The following CIC variants were observed in gnomAD, a reference collection of about 807,000 sequenced individuals.
The protein encoded by CIC is protein capicua homolog.
In CIC, 18 loss-of-function variants were observed where a neutral mutation model predicts 115.7. The observed-to-expected ratio is 0.16, with a 90% CI of 0.11 to 0.23. The LOEUF (loss-of-function observed/expected upper bound fraction) is 0.23. CIC is among the 10% of genes least tolerant of loss of function. The pLI is 1.00. For synonymous variants in CIC, 1,076 were observed against 923.0 expected, an observed-to-expected ratio of 1.17 and a Z score of -3.01; for missense variants, 2,000 against 2,159.3, an observed-to-expected ratio of 0.93 and a Z score of 1.46.
Position 42,286,760 on chromosome 19 carries a change from C to T in CIC, c.2795-11C>T, listed in dbSNP as rs551321391. The stretch of plus-strand genomic sequence containing the variant: ...CTCCTGCTGCACAGCTCACCTGGCT[C>T]CTTTCCACAGTGTGGACGAATGTGG... On this transcript the variant is annotated splice_polypyrimidine_tract_variant and intron_variant, in intron 2 of 20. Transcript: ENST00000681038. 3.8e-5 allele frequency: 62 copies of T among 1,613,884 alleles called. No individual in the cohort carries two copies. The Middle Eastern group carries it at 6.6e-4, about 17-fold the overall frequency.
chr19:42,282,503 G>A (rs975748293), intron 2 of CIC, among the ~76,000 whole-genome samples: 14 of 152,204 alleles, frequency 9.2e-5, no homozygotes, highest in Non-Finnish European at 1.9e-4. Flanking sequence ...TGCCAGATGG[G>A]CTCCACATCC....
Position 42,292,350 on chromosome 19 carries a change from G to A in CIC, c.5786G>A (p.Ser1929Asn), listed in dbSNP as rs1332619285. The change falls in exon 14 of 21, where the codon AGC becomes AAC. Residue 1929 changes from serine to asparagine, a missense_variant. Ser to Asn is a conservative substitution (Grantham distance 46). Coordinates refer to ENST00000681038, the MANE Select transcript of CIC (RefSeq NM_001386298.1). ...GGGCACGCGCTGCCCCTGGGTACCA[G>A]CCCTGCGTCCAGCCAGGCTGGAACA... is the stretch of plus-strand genomic sequence containing the variant. ...AGGHALPLGT[S>N]PASSQAGTVT... The A allele has an allele frequency of 1.2e-6, 2 of 1,613,048 alleles. No individual in the cohort carries two copies. The highest frequency in any genetic ancestry group is 1.7e-6 in the Non-Finnish European group (2 of 1,179,916).
In CIC at chr19:42,289,292, C is replaced by T. The variant is rs770404685; in HGVS notation, c.3973C>T (p.Pro1325Ser). 3 of 1,613,744 alleles carry T rather than the reference C, an allele frequency of 1.9e-6. No individual in the cohort carries two copies. Among genetic ancestry groups the T allele is most frequent in the South Asian group, 1.1e-5 (1 of 91,090 alleles). ...EGGALAATGR[P>S]PLLPTRASRS... is the part of the protein sequence containing the mutation. Reference sequence around the variant, plus strand: ...AGGTGCCTTGGCGGCCACTGGGCGGCCCCCGCTGCTGCCCACCCGAGCTTC... The same window carrying T: ...AGGTGCCTTGGCGGCCACTGGGCGGTCCCCGCTGCTGCCCACCCGAGCTTC... The change falls in exon 9 of 21, where the codon CCC (proline) becomes TCC (serine). Residue 1325 changes from proline to serine, a missense_variant. Pro to Ser is a moderately conservative substitution (Grantham distance 74). Coordinates refer to ENST00000681038, the MANE Select transcript of CIC (RefSeq NM_001386298.1).
Position 42,286,871 on chromosome 19 carries a change from C to A in CIC, c.2895C>A (p.Ser965Arg). 1.2e-6 allele frequency: 2 copies of A among 1,612,886 alleles called. No individual in the cohort carries two copies. The highest frequency in any genetic ancestry group is 1.7e-6 in the Non-Finnish European group (2 of 1,179,754). ...PSQPDPSVQPSEAQQPASHPV... is the reference protein window; with the variant it reads ...PSQPDPSVQPREAQQPASHPV... ...AGCCTGACCCCTCCGTGCAGCCGAGCGAGGCCCAGCAACCTGCCAGCCACC... is the reference window on the plus strand; with the variant it reads ...AGCCTGACCCCTCCGTGCAGCCGAGAGAGGCCCAGCAACCTGCCAGCCACC... Residue 965 changes from serine to arginine, a missense_variant, in exon 3 of 21, where the codon AGC becomes AGA. Physicochemically the swap from Ser to Arg is moderately radical, Grantham distance 110. Coordinates refer to ENST00000681038, the MANE Select transcript of CIC (RefSeq NM_001386298.1).
rs962673257 is a variant in CIC, at chr19:42,294,159, T to C, written c.6923-14T>C. On this transcript the variant is annotated splice_polypyrimidine_tract_variant and intron_variant, in intron 18 of 20. Coordinates refer to ENST00000681038, the MANE Select transcript of CIC (RefSeq NM_001386298.1). ...CTGGGGCCACCTGCACTGAGTCTGC[T>C]TCTGTTTGGCCAGACCTGGATTCAG... 5.6e-6 allele frequency: 9 copies of C among 1,613,780 alleles called. No homozygotes were observed. In the East Asian group the frequency reaches 1.1e-4, roughly 20 times the overall value.
chr19:42,290,447 A>G lies in CIC; in HGVS notation c.4406A>G (p.Gln1469Arg), dbSNP rs893757075. 6.8e-6 allele frequency: 11 copies of G among 1,613,914 alleles called. No individual in the cohort carries two copies. Among genetic ancestry groups the G allele is most frequent in the Non-Finnish European group, 8.5e-6 (10 of 1,179,966 alleles). The change falls in exon 11 of 21, where the codon CAG becomes CGG. Residue 1469 changes from glutamine (Q) to arginine (R), a missense_variant. By Grantham distance (43) the Gln-to-Arg change is conservative. Transcript: ENST00000681038. ...FSLGSGTFKA[Q>R]ESGQGSTAGP... ...CTGGGCTCAGGAACCTTCAAGGCCC[A>G]GGAGTCTGGTCAGGGCAGCACAGCG...
Position 42,274,329 on chromosome 19 carries a change from C to T in CIC, c.2546C>T (p.Pro849Leu), listed in dbSNP as rs2036889780. The change falls in exon 2 of 21, where the codon CCC becomes CTC. Residue 849 changes from proline (P) to leucine (L), a missense_variant. This residue lies in a region of CIC where 222 missense variants were observed against 247.7 expected (regional missense o/e 0.90). Coordinates refer to ENST00000681038, the MANE Select transcript of CIC (RefSeq NM_001386298.1). ...PGRGCRETPV[P>L]PGVASGKPGL... ...CGGGGCTGCCGTGAAACCCCAGTGC[C>T]CCCTGGGGTGGCCAGTGGGAAGCCT... 1 of 398,622 alleles carries T rather than the reference C, an allele frequency of 2.5e-6. No individual in the cohort carries two copies. Among genetic ancestry groups the T allele is most frequent in the Non-Finnish European group, 4.4e-6 (1 of 226,102 alleles). The allele number at this position is 398,622 out of a possible 1,614,324, so 24.7% of individuals were successfully genotyped here.
chr19:42,289,153 T>C, intron 8 of CIC, 28 bp from the exon 9 acceptor site: 1 of 1,613,270 alleles, frequency 6.2e-7, no homozygotes, highest in Non-Finnish European at 8.5e-7. Context: ...GCAGCCCCGC[T>C]GAACCCTCTC....
At chr19:42,284,825 G>C in intron 2 of CIC, 1 of 1,430,810 alleles carries the variant, frequency 7.0e-7, no homozygotes, top group South Asian at 1.2e-5. Flanking sequence ...GGGGTGCTAA[G>C]TGCGGAGTAA....
At chr19:42,279,930 T>TCAGGCTGCCTCCTGGCGG (rs2037145573) in intron 2 of CIC, 2 of 153,388 alleles carry the variant, frequency 1.3e-5, no homozygotes, top group African/African-American at 2.4e-5. Context: ...CTGCGAGGCG[T>TCAGGCTGCCTCCTGGCGG]CAGGCTGCCT....
Position 42,294,153 on chromosome 19 carries a change from G to A in CIC, c.6923-20G>A, listed in dbSNP as rs370121235. 539 of 1,613,800 alleles carry A rather than the reference G, an allele frequency of 3.3e-4. No homozygotes were observed. Among genetic ancestry groups the A allele is most frequent in the Non-Finnish European group, 4.4e-4 (514 of 1,180,026 alleles). On this transcript the variant is annotated intron_variant, in intron 18 of 20. Coordinates refer to ENST00000681038, the MANE Select transcript of CIC (RefSeq NM_001386298.1). Reference sequence around the variant, plus strand: ...GGCAGACTGGGGCCACCTGCACTGAGTCTGCTTCTGTTTGGCCAGACCTGG... The same window carrying A: ...GGCAGACTGGGGCCACCTGCACTGAATCTGCTTCTGTTTGGCCAGACCTGG...
rs1244541197 is a variant in CIC, at chr19:42,272,785, C to T, written c.1002C>T (p.Ser334=). 2.5e-6 allele frequency: 1 copy of T among 398,784 alleles called. No homozygotes were observed. The allele number at this position is 398,784 out of a possible 1,614,324, so 24.7% of individuals were successfully genotyped here. The part of the protein sequence containing the change: ...EPEEAVWVAR[S]SLRLLRPPWE... ...AGGAGGCTGTGTGGGTGGCCCGCTC[C>T]AGCCTACGCCTGCTGCGCCCCCCCT... Residue 334 remains serine (S), a synonymous_variant, in exon 2 of 21, where the codon TCC becomes TCT. Coordinates refer to ENST00000681038, the MANE Select transcript of CIC (RefSeq NM_001386298.1).
intron 9 of CIC, among the ~76,000 whole-genome samples, 154 bp downstream of exon 9, chr19:42,289,560 T>TCCAGCCCTGCCCTCAGGAAGCCC (rs1282688400): frequency 6.6e-6 from 1 of 152,140 alleles, no homozygotes. Context: ...GCCGAGTAAA[T>TCCAGCCCTGCCCTCAGGAAGCCC]CCAGCCCTGC....
intron 2 of CIC, among the ~76,000 whole-genome samples, chr19:42,278,485 T>G (rs2037080561): frequency 6.6e-6 from 1 of 152,230 alleles, no homozygotes; most frequent in African/African-American, 2.4e-5. Context: ...CTTCTTTGAG[T>G]CTGGGGGCTC....
At chr19:42,289,512 C>A in intron 9 of CIC, 106 bp downstream of exon 9, 1 of 1,307,106 alleles carries the variant, frequency 7.7e-7, no homozygotes, top group Non-Finnish European at 1.1e-6. Flanking sequence ...TTTTCTTTTC[C>A]ACTTGGTTTA....
At chr19:42,294,338 G>C in intron 19 of CIC, 34 bp downstream of exon 19, 1 of 1,610,104 alleles carries the variant, frequency 6.2e-7, no homozygotes, top group South Asian at 1.1e-5. Flanking sequence ...GGGGCCTGGG[G>C]ACCTGCAAGA....
intron 10 of CIC, 64 bp from the exon 11 acceptor site, chr19:42,290,169 T>C: frequency 6.2e-7 from 1 of 1,607,502 alleles, no homozygotes; most frequent in African/African-American, 1.3e-5. Context: ...TGGGCATGGC[T>C]AGGGGGCTGC....
Position 42,292,551 on chromosome 19 carries a change from T to C in CIC, c.5903-15T>C. 6.2e-7 allele frequency: 1 copy of C among 1,612,722 alleles called. No homozygotes were observed. The highest frequency in any genetic ancestry group is 8.5e-7 in the Non-Finnish European group (1 of 1,179,792). The stretch of plus-strand genomic sequence containing the variant: ...CCCTAACTTGGTCTCCTGCTTCTTC[T>C]TCTCTGTCTTTCAGCAGGCCAAGCC... On this transcript the variant is annotated splice_polypyrimidine_tract_variant and intron_variant, in intron 14 of 20. Coordinates refer to ENST00000681038, the MANE Select transcript of CIC (RefSeq NM_001386298.1).
Position 42,272,477 on chromosome 19 carries a change from G to A in CIC, c.694G>A (p.Val232Met), listed in dbSNP as rs1006476018. The A allele has an allele frequency of 7.5e-6, 3 of 398,440 alleles. No homozygotes were observed. The highest frequency in any genetic ancestry group is 1.3e-5 in the Non-Finnish European group (3 of 226,024). 24.7% of individuals were successfully genotyped at this position (398,440 alleles called of 1,614,324 possible). A position where few individuals can be genotyped will look rare whatever the true frequency, so the allele number is the denominator to read the frequency against. The change falls in exon 2 of 21, where the codon GTG (valine) becomes ATG (methionine). Residue 232 changes from valine to methionine, a missense_variant. Around this residue, in one of 8 missense-constraint regions of CIC, gnomAD observed 222 missense variants for 247.7 expected, o/e 0.90. Coordinates refer to ENST00000681038, the MANE Select transcript of CIC (RefSeq NM_001386298.1). ...RQVRRSQDLGVQFPGDRALTF... is the reference protein window; with the variant it reads ...RQVRRSQDLGMQFPGDRALTF... ...GGTGCGCCGAAGCCAGGACCTGGGCGTGCAGTTCCCTGGTGACCGAGCCCT... is the reference window on the plus strand; with the variant it reads ...GGTGCGCCGAAGCCAGGACCTGGGCATGCAGTTCCCTGGTGACCGAGCCCT...
Sources: gnomAD v4.1 joint callset for allele counts (sites outside exome capture counted in the v4.1 genomes callset) on GRCh38, gnomAD v4.1.1 for gene constraint, gnomAD v4.1.1 regional missense constraint, MANE v1.5 for transcripts, NCBI Gene and HGNC (gene_info 2026-07-23, HGNC 2026-07-21) for gene names.